SPATS2L: variants seen among roughly 807,000 people sequenced by gnomAD.
The protein encoded by SPATS2L is SPATS2-like protein.
A neutral mutation model predicts 59.6 loss-of-function variants in SPATS2L; 30 were observed. The observed-to-expected ratio is 0.50, with a 90% CI of 0.38 to 0.68. SPATS2L has a LOEUF of 0.68. Ranked by LOEUF, SPATS2L falls within the 30% of genes least tolerant of loss-of-function variation. The pLI is 0.00. For missense variants in SPATS2L, 615 were observed against 700.0 expected (o/e 0.88, Z 1.37); for synonymous variants, 252 against 263.5 (o/e 0.96, Z 0.42).
intron 2 of SPATS2L, among the ~76,000 whole-genome samples, chr2:200,349,623 G>A (rs934843888): frequency 6.6e-6 from 1 of 152,202 alleles, no homozygotes; most frequent in African/African-American, 2.4e-5. Flanking sequence ...GGACAACAGA[G>A]CAAGACTTCG....
intron 1 of SPATS2L, among the ~76,000 whole-genome samples, chr2:200,326,162 T>G (rs1395290982): frequency 6.6e-6 from 1 of 152,196 alleles, no homozygotes; most frequent in Non-Finnish European, 1.5e-5. Context: ...GGTCTTGGGC[T>G]CTTCACAGAT....
At chr2:200,451,969 C>G (rs1465685299) in intron 8 of SPATS2L, among the ~76,000 whole-genome samples, 1 of 151,532 alleles carries the variant, frequency 6.6e-6, no homozygotes, top group African/African-American at 2.4e-5. Context: ...TAATATTTTC[C>G]AGTTTTTTAG....
intron 1 of SPATS2L, among the ~76,000 whole-genome samples, chr2:200,308,397 A>G (rs1381920737): frequency 2.0e-5 from 3 of 152,204 alleles, no homozygotes; most frequent in African/African-American, 7.2e-5. Flanking sequence ...TCGTGTTTAA[A>G]AATATCTGTG....
At position 200,306,760 on chromosome 2, in the gene SPATS2L, A is replaced by G; in HGVS notation, c.-235A>G. 1 of 982,518 alleles carries G rather than the reference A, an allele frequency of 1.0e-6. No homozygotes were observed. Among genetic ancestry groups the G allele is most frequent in the South Asian group, 4.7e-5 (1 of 21,262 alleles). The allele number at this position is 982,518 out of a possible 1,614,324, so 60.9% of individuals were successfully genotyped here. The stretch of plus-strand genomic sequence containing the variant: ...TGCGCCCTCCGCTGCAAGCGCCGGC[A>G]GCGCGGGGCGAGCTCCGGACGGCGC... On this transcript the variant is annotated 5_prime_UTR_variant, in exon 1 of 13. Coordinates refer to ENST00000409140, the MANE Select transcript of SPATS2L (RefSeq NM_001100423.2).
intron 8 of SPATS2L, among the ~76,000 whole-genome samples, chr2:200,454,951 G>A (rs1267894239): frequency 6.6e-6 from 1 of 152,198 alleles, no homozygotes; most frequent in Admixed American, 6.5e-5. Context: ...ATGATCAGTG[G>A]TGGGAGAACA....
chr2:200,357,204 A>G (rs923278028), intron 2 of SPATS2L, among the ~76,000 whole-genome samples: 5 of 152,156 alleles, frequency 3.3e-5, no homozygotes, highest in African/African-American at 9.7e-5. Flanking sequence ...GTTTGGGGCC[A>G]GATTTTTTTG....
intron 8 of SPATS2L, among the ~76,000 whole-genome samples, chr2:200,442,144 A>G (rs1415154250): frequency 6.6e-6 from 1 of 152,116 alleles, no homozygotes; most frequent in Non-Finnish European, 1.5e-5. Context: ...TCTCTGTTTG[A>G]TCATATTATA....
At chr2:200,468,544 C>T (rs555747148) in intron 10 of SPATS2L, among the ~76,000 whole-genome samples, 73 of 152,274 alleles carry the variant, frequency 4.8e-4, no homozygotes, top group Non-Finnish European at 7.9e-4. Flanking sequence ...GGCATGAAAG[C>T]GGGCCCCATG....
intron 8 of SPATS2L, among the ~76,000 whole-genome samples, chr2:200,447,277 C>T (rs2085111704): frequency 6.6e-6 from 1 of 152,158 alleles, no homozygotes; most frequent in African/African-American, 2.4e-5. Context: ...GTGTTTCTGG[C>T]ATATCTGGCA....
intron 3 of SPATS2L, among the ~76,000 whole-genome samples, chr2:200,403,374 G>T (rs1447406647): frequency 6.6e-6 from 1 of 152,212 alleles, no homozygotes; most frequent in Non-Finnish European, 1.5e-5. Context: ...AGATGGAATT[G>T]TGGAGAACAC....
At chr2:200,308,019 C>CT (rs975994079) in intron 1 of SPATS2L, among the ~76,000 whole-genome samples, 51 of 150,212 alleles carry the variant, frequency 3.4e-4, no homozygotes, top group African/African-American at 1.1e-3. Flanking sequence ...AGCCGACAGA[C>CT]TTTAAGACAA....
At chr2:200,440,200 C>G (rs557907895) in intron 7 of SPATS2L, among the ~76,000 whole-genome samples, 65 of 152,350 alleles carry the variant, frequency 4.3e-4, no homozygotes, top group Middle Eastern at 6.8e-3. Flanking sequence ...GCCAGCGTAC[C>G]TGGCATTGAT....
At chr2:200,463,870 T>A (rs2086409184) in intron 9 of SPATS2L, among the ~76,000 whole-genome samples, 1 of 152,226 alleles carries the variant, frequency 6.6e-6, no homozygotes, top group Admixed American at 6.5e-5. Flanking sequence ...GCCCCCACCT[T>A]GGGATTTTAA....
In SPATS2L at chr2:200,463,376, T is replaced by G. The variant is rs553192033; in HGVS notation, c.847+3549T>G. On this transcript the variant is annotated intron_variant, in intron 9 of 12. Transcript: ENST00000409140. Reference sequence around the variant, plus strand: ...CAGTGCTGAGAAGACTGCAGGTACTTCATAAATATTTGTTAAATGAGTTAT... The same window carrying G: ...CAGTGCTGAGAAGACTGCAGGTACTGCATAAATATTTGTTAAATGAGTTAT... 4 of 152,306 alleles carry G rather than the reference T, an allele frequency of 2.6e-5. No individual in the cohort carries two copies. The East Asian group carries it at 7.7e-4, about 29-fold the overall frequency. The allele number at this position is 152,306 out of a possible 1,614,324, so 9.4% of individuals were successfully genotyped here. A position where few individuals can be genotyped will look rare whatever the true frequency, so the allele number is the denominator to read the frequency against.
intron 9 of SPATS2L, among the ~76,000 whole-genome samples, chr2:200,464,210 A>G (rs555089693): frequency 1.8e-4 from 27 of 152,278 alleles, no homozygotes; most frequent in African/African-American, 6.3e-4. Context: ...TGTGTGATTG[A>G]TGTTTTTGAG....
chr2:200,306,671 C>T (rs2079022217), upstream of SPATS2L: 1 of 986,720 alleles, frequency 1.0e-6, no homozygotes, highest in South Asian at 4.7e-5. Flanking sequence ...GGGAGTGTCC[C>T]TGCGTGGGGC....
chr2:200,360,670 C>A (rs961197789), intron 2 of SPATS2L, among the ~76,000 whole-genome samples: 3 of 152,174 alleles, frequency 2.0e-5, no homozygotes, highest in Admixed American at 6.5e-5. Context: ...GCAGTGTCCT[C>A]ACAATATGGG....
intron 2 of SPATS2L, among the ~76,000 whole-genome samples, chr2:200,354,235 CA>C (rs1448673007): frequency 9.9e-5 from 15 of 152,162 alleles, no homozygotes; most frequent in Admixed American, 9.2e-4. Context: ...CGCTCTCATA[CA>C]ATGAGATGAC....
At position 200,472,836 on chromosome 2, in the gene SPATS2L, A is replaced by C. The variant is rs1478615339; in HGVS notation, c.1065A>C (p.Thr355=). ...KAQIMLCGEI[T]HPKNNYSSRT... ...CTGAGCACTTTATTATTGCAGTTAC[A>C]CATCCAAAGAACAACTATTCCTCAA... The change falls in exon 12 of 13, where the codon ACA becomes ACC. Residue 355 remains threonine, a synonymous_variant. Coordinates refer to ENST00000409140, the MANE Select transcript of SPATS2L (RefSeq NM_001100423.2). 6.2e-7 allele frequency: 1 copy of C among 1,613,776 alleles called. No homozygotes were observed. The highest frequency in any genetic ancestry group is 2.2e-5 in the East Asian group (1 of 44,886).
Sources: allele counts gnomAD v4.1 joint callset (sites outside exome capture counted in the v4.1 genomes callset), GRCh38; gene constraint gnomAD v4.1.1; transcripts MANE v1.5; gene names NCBI Gene and HGNC (gene_info 2026-07-23, HGNC 2026-07-21).